The following PSME4 variants were observed in gnomAD, a reference collection of about 807,000 sequenced individuals.
The protein encoded by PSME4 is proteasome activator subunit 4.
Under a neutral mutation model 253.9 loss-of-function variants are expected in PSME4, and 89 were observed. The observed-to-expected ratio is 0.35, with a 90% confidence interval of 0.30 to 0.42. The LOEUF (loss-of-function observed/expected upper bound fraction) is 0.42. Ranked by LOEUF, PSME4 falls within the 10% of genes least tolerant of loss-of-function variation. PSME4 has a pLI of 1.00. For synonymous variants in PSME4, 851 were observed against 759.2 expected, an observed-to-expected ratio of 1.12 and a Z score of -1.99; for missense variants, 2,014 against 2,195.2, an observed-to-expected ratio of 0.92 and a Z score of 1.65.
At position 53,903,892 on chromosome 2, in the gene PSME4, T is replaced by C. The variant is rs1680526317; in HGVS notation, c.3075+133A>G. ...ATTAAAAAAAAGAACAGATATGCGA[T>C]AAAGCAAATACAGCAAAATCTTAAA... On this transcript the variant is annotated intron_variant, in intron 27 of 46. Coordinates refer to ENST00000404125, the MANE Select transcript of PSME4 (RefSeq NM_014614.3). The C allele has an allele frequency of 1.4e-5, 10 of 721,498 alleles. No individual in the cohort carries two copies. The South Asian group carries it at 1.9e-4, about 14-fold the overall frequency. 44.7% of individuals were successfully genotyped at this position (721,498 alleles called of 1,614,324 possible).
At chr2:53,874,225 G>A in intron 43 of PSME4, 114 bp downstream of exon 43, 1 of 1,068,880 alleles carries the variant, frequency 9.4e-7, no homozygotes, top group South Asian at 1.6e-5. Context: ...CTCTCAAAGA[G>A]TTGAGGTTAT....
chr2:53,957,706 A>C (rs773493749), intron 1 of PSME4, among the ~76,000 whole-genome samples: 1 of 152,194 alleles, frequency 6.6e-6, no homozygotes, highest in Non-Finnish European at 1.5e-5. Context: ...AAAATGTTTA[A>C]GTATCACCAT....
At chr2:53,914,870 ACTT>A (rs979250669) in intron 20 of PSME4, among the ~76,000 whole-genome samples, 4 of 152,148 alleles carry the variant, frequency 2.6e-5, no homozygotes, top group Admixed American at 2.6e-4. Flanking sequence ...AACGAGTGAA[ACTT>A]CGTTTCCAAA....
intron 20 of PSME4, among the ~76,000 whole-genome samples, 190 bp from the exon 21 acceptor site, chr2:53,910,320 T>C (rs964027631): frequency 6.6e-6 from 1 of 152,206 alleles, no homozygotes; most frequent in Non-Finnish European, 1.5e-5. Flanking sequence ...GTAAGAATCA[T>C]GTTATTCAAC....
rs112389334 is a variant in PSME4, at chr2:53,891,924, G to C, written c.4191+884C>G. Among the ~76,000 whole-genome samples, 1,036 of 151,902 alleles carry C rather than the reference G, an allele frequency of 6.8e-3. 23 individuals carry two copies. The highest frequency in any genetic ancestry group is 0.024 in the African/African-American group (990 of 41,440). On this transcript the variant is annotated intron_variant, in intron 36 of 46. Transcript: ENST00000404125. ...GGACGGATGGATGGACAGACGGAAG[G>C]ACAGATGGAAGGAAGGAAGGAAGGA...
At chr2:53,895,489 C>T in intron 33 of PSME4, 94 bp downstream of exon 33, 1 of 1,254,052 alleles carries the variant, frequency 8.0e-7, no homozygotes, top group Non-Finnish European at 1.1e-6. Flanking sequence ...ATAAAAGAAC[C>T]TTCAAGTGCC....
chr2:53,936,732 A>G, intron 6 of PSME4, 32 bp downstream of exon 6: 2 of 1,447,574 alleles, frequency 1.4e-6, no homozygotes, highest in Non-Finnish European at 1.9e-6. Context: ...AAAAAACTAT[A>G]GGGGGGAAGA....
intron 8 of PSME4, 25 bp from the exon 9 acceptor site, chr2:53,932,785 G>A (rs1437067040): frequency 1.3e-6 from 2 of 1,557,152 alleles, no homozygotes; most frequent in African/African-American, 1.4e-5. Flanking sequence ...GAGTAAAAAT[G>A]TCAGTACCCA....
At chr2:53,901,645 A>G in intron 27 of PSME4, 86 bp from the exon 28 acceptor site, 2 of 1,054,382 alleles carry the variant, frequency 1.9e-6, no homozygotes, top group East Asian at 4.9e-5. Context: ...TATTGGTTTT[A>G]AATGAGTATT....
intron 20 of PSME4, chr2:53,917,344 ATTC>A (rs1385422886): frequency 6.6e-6 from 1 of 152,556 alleles, no homozygotes; most frequent in Non-Finnish European, 1.5e-5. Context: ...ATCATAATAT[ATTC>A]TTTTCCTTAT....
chr2:53,963,133 C>G (rs963563412), intron 1 of PSME4, among the ~76,000 whole-genome samples: 1 of 152,066 alleles, frequency 6.6e-6, no homozygotes, highest in East Asian at 1.9e-4. Flanking sequence ...CAAGGCCAGC[C>G]TGAGCAACAT....
At chr2:53,911,325 G>A (rs1409490085) in intron 20 of PSME4, among the ~76,000 whole-genome samples, 1 of 151,952 alleles carries the variant, frequency 6.6e-6, no homozygotes, top group East Asian at 1.9e-4. Flanking sequence ...AGTATCAAAC[G>A]TTAATTTGCT....
chr2:53,868,531 A>AAT (rs1553401955), intron 44 of PSME4, among the ~76,000 whole-genome samples: 2 of 55,460 alleles, frequency 3.6e-5, no homozygotes, highest in Admixed American at 2.2e-4. Context: ...TAATATATAT[A>AAT]ATATATATTA....
chr2:53,908,501 C>CA lies in PSME4; in HGVS notation c.2685+8dup. The CA allele has an allele frequency of 1.9e-6, 3 of 1,610,378 alleles. No individual in the cohort carries two copies. Among genetic ancestry groups the CA allele is most frequent in the Non-Finnish European group, 2.5e-6 (3 of 1,178,200 alleles). On this transcript the variant is annotated intron_variant, in intron 23 of 46. Coordinates refer to ENST00000404125, the MANE Select transcript of PSME4 (RefSeq NM_014614.3). Reference sequence around the variant, plus strand: ...TAATCATTATGCAACTATCAAATGACAAATGTACCTTTATAATAAGAAACA... The same window carrying CA: ...TAATCATTATGCAACTATCAAATGACAAAATGTACCTTTATAATAAGAAACA...
chr2:53,934,858 T>C (rs1573325628), intron 7 of PSME4, 131 bp from the exon 8 acceptor site: 4 of 687,326 alleles, frequency 5.8e-6, no homozygotes, highest in East Asian at 5.6e-5. Flanking sequence ...TGAAATTACA[T>C]AGTATTTAGT....
chr2:53,965,682 T>TG (rs1293086100), intron 1 of PSME4, among the ~76,000 whole-genome samples: 21 of 151,380 alleles, frequency 1.4e-4, no homozygotes, highest in Non-Finnish European at 2.5e-4. Flanking sequence ...TTTTTTTTTT[T>TG]TGAGTCAGAG....
intron 14 of PSME4, 132 bp downstream of exon 14, chr2:53,925,407 C>T: frequency 2.2e-6 from 2 of 916,098 alleles, no homozygotes; most frequent in Non-Finnish European, 3.0e-6. Flanking sequence ...AGCAACTGTA[C>T]ATTTCTTTAA....
intron 3 of PSME4, among the ~76,000 whole-genome samples, chr2:53,940,985 A>ATAATAAATACATATT (rs1669422045): frequency 1.1e-5 from 1 of 95,030 alleles, no homozygotes; most frequent in Middle Eastern, 4.5e-3. Context: ...ATATATATAT[A>ATAATAAATACATATT]TATATATATA....
chr2:53,919,182 G>A lies in PSME4; in HGVS notation c.2485C>T (p.Pro829Ser), dbSNP rs747368169. 6 of 1,612,192 alleles carry A rather than the reference G, an allele frequency of 3.7e-6. No individual in the cohort carries two copies. In the Admixed American group the frequency reaches 8.4e-5, roughly 22 times the overall value. ...NCLIGSGNLL[P>S]PLKGEPVTNL... ...GTAACTGGCTCTCCTTTCAACGGAG[G>A]TAGGAGGTTTCCAGAGCCAATTAAA... The change falls in exon 20 of 47, where the codon CCT becomes TCT. Residue 829 changes from proline (P) to serine (S), a missense_variant. Transcript: ENST00000404125.
Sources: gnomAD v4.1 joint callset for allele counts (sites outside exome capture counted in the v4.1 genomes callset) on GRCh38, gnomAD v4.1.1 for gene constraint, MANE v1.5 for transcripts, NCBI Gene and HGNC (gene_info 2026-07-23, HGNC 2026-07-21) for gene names.